Variants in KDM4C observed in about 807,000 individuals in gnomAD.
KDM4C encodes lysine-specific demethylase 4C.
Under a neutral mutation model 129.3 loss-of-function variants are expected in KDM4C, and 81 were observed. That is an observed-to-expected ratio of 0.63 (90% CI 0.52 to 0.75). The LOEUF is 0.75. Ranked by LOEUF, KDM4C falls within the 30% of genes least tolerant of loss-of-function variation. KDM4C has a pLI of 0.00. For missense variants in KDM4C, 1,457 were observed against 1,304.0 expected (o/e 1.12, Z -1.81); for synonymous variants, 573 against 456.1 (o/e 1.26, Z -3.26).
chr9:7,099,407 A>G (rs1836822840), intron 17 of KDM4C, among the ~76,000 whole-genome samples: 1 of 152,220 alleles, frequency 6.6e-6, no homozygotes, highest in African/African-American at 2.4e-5. Context: ...TCAATCCATT[A>G]GTAGCCTTAA....
chr9:6,818,265 C>G (rs1490696007), intron 4 of KDM4C, among the ~76,000 whole-genome samples: 2 of 152,194 alleles, frequency 1.3e-5, no homozygotes, highest in African/African-American at 2.4e-5. Context: ...CAAGCCACAT[C>G]TAGACTACCA....
chr9:6,762,591 A>C (rs547645617), intron 1 of KDM4C, among the ~76,000 whole-genome samples: 10 of 148,968 alleles, frequency 6.7e-5, no homozygotes, highest in African/African-American at 2.0e-4. Context: ...ATTTTATAAT[A>C]TAAATACAAT....
chr9:6,761,953 C>T (rs996038532), intron 1 of KDM4C, among the ~76,000 whole-genome samples: 4 of 151,816 alleles, frequency 2.6e-5, no homozygotes, highest in African/African-American at 7.3e-5. Flanking sequence ...ATTACAGGCA[C>T]GCCCAACTAA....
chr9:7,043,267 G>A (rs1828889125), intron 15 of KDM4C, among the ~76,000 whole-genome samples: 1 of 151,930 alleles, frequency 6.6e-6, no homozygotes, highest in South Asian at 2.1e-4. Flanking sequence ...TCAGTGTCTT[G>A]ATGGATACTC....
chr9:6,884,375 G>T (rs1427156776), intron 6 of KDM4C, among the ~76,000 whole-genome samples: 1 of 152,136 alleles, frequency 6.6e-6, no homozygotes, highest in Non-Finnish European at 1.5e-5. Flanking sequence ...AGCTTGCCAA[G>T]AAATTTCATG....
chr9:6,991,337 G>T (rs1388487977), intron 12 of KDM4C, among the ~76,000 whole-genome samples: 1 of 152,042 alleles, frequency 6.6e-6, no homozygotes, highest in Non-Finnish European at 1.5e-5. Context: ...TCCTGCCTCA[G>T]CCCCGCAAAG....
Position 6,766,057 on chromosome 9 carries a change from G to T in KDM4C, c.-18+7854G>T, listed in dbSNP as rs574354544. ...GCCCACCTCAGCCTCCCAAAGTGCT[G>T]GGATTACAGGCAATAGCCACTGTGC... On this transcript the variant is annotated intron_variant, in intron 1 of 21. Coordinates refer to ENST00000381309, the MANE Select transcript of KDM4C (RefSeq NM_015061.6). 6.6e-5 allele frequency among the ~76,000 whole-genome samples: 10 copies of T among 152,244 alleles called. No individual in the cohort carries two copies. The East Asian group carries it at 1.9e-3, about 29-fold the overall frequency.
intron 17 of KDM4C, among the ~76,000 whole-genome samples, chr9:7,075,329 T>C (rs1833774661): frequency 1.3e-5 from 2 of 152,180 alleles, no homozygotes; most frequent in South Asian, 4.1e-4. Context: ...CACATGTGTT[T>C]TGTCTCTGCC....
chr9:6,826,655 C>G (rs1414904663), intron 4 of KDM4C, among the ~76,000 whole-genome samples: 1 of 152,068 alleles, frequency 6.6e-6, no homozygotes, highest in Non-Finnish European at 1.5e-5. Context: ...CACCTGAGGT[C>G]AGCAGTTCAA....
chr9:6,807,050 C>T (rs1049114291), intron 3 of KDM4C, among the ~76,000 whole-genome samples: 2 of 152,114 alleles, frequency 1.3e-5, no homozygotes, highest in African/African-American at 4.8e-5. Context: ...AGGCACGCGC[C>T]GCCACGCCTG....
Position 6,849,690 on chromosome 9 carries a change from C to T in KDM4C, c.619C>T (p.Pro207Ser), listed in dbSNP as rs1156825404. ...YSINYLHFGE[P>S]KSWYAIPPEH... ...CATTAATTATCTCCACTTTGGAGAGCCCAAGTCTTGGCAAGTTACTTGTTT... is the reference window on the plus strand; with the variant it reads ...CATTAATTATCTCCACTTTGGAGAGTCCAAGTCTTGGCAAGTTACTTGTTT... The change falls in exon 5 of 22, where the codon CCC becomes TCC. Residue 207 changes from proline (P) to serine (S), a missense_variant. Transcript: ENST00000381309. The T allele has an allele frequency of 1.9e-6, 3 of 1,559,502 alleles. No individual in the cohort carries two copies. The highest frequency in any genetic ancestry group is 1.2e-5 in the South Asian group (1 of 82,882).
At chr9:6,859,644 C>T (rs575153889) in intron 5 of KDM4C, among the ~76,000 whole-genome samples, 6 of 150,482 alleles carry the variant, frequency 4.0e-5, no homozygotes, top group African/African-American at 1.2e-4. Flanking sequence ...GGGCAGATCG[C>T]GAGATCCGGA....
intron 5 of KDM4C, among the ~76,000 whole-genome samples, chr9:6,870,832 C>T (rs1194305890): frequency 6.6e-6 from 1 of 151,870 alleles, no homozygotes; most frequent in African/African-American, 2.4e-5. Context: ...CTTAGTTAGG[C>T]GCAGGGAGTA....
At chr9:7,076,366 G>C in intron 17 of KDM4C, 1 of 1,095,712 alleles carries the variant, frequency 9.1e-7, no homozygotes, top group Non-Finnish European at 1.4e-6. Flanking sequence ...TAAAGCCCAT[G>C]CTATTTTCAC....
At position 6,758,211 on chromosome 9, in the gene KDM4C, CT is replaced by C; in HGVS notation, c.-18+12del. On this transcript the variant is annotated intron_variant, in intron 1 of 21. Coordinates refer to ENST00000381309, the MANE Select transcript of KDM4C (RefSeq NM_015061.6). The surrounding 1 kb of genome is among the most constrained non-coding windows in gnomAD (Gnocchi z 4.6). The stretch of plus-strand genomic sequence containing the variant: ...CCCCAACCCGCGCGCCAGGTAACCG[CT>C]TTTCCGGAGTCTGGGGGCCAGGGCG... The C allele has an allele frequency of 5.1e-6, 5 of 985,826 alleles. No individual in the cohort carries two copies. The highest frequency in any genetic ancestry group is 6.0e-6 in the Non-Finnish European group (5 of 830,254). The allele number at this position is 985,826 out of a possible 1,614,324, so 61.1% of individuals were successfully genotyped here.
chr9:6,746,354 T>C (rs924810253), intron 1 of KDM4C, among the ~76,000 whole-genome samples: 20 of 144,654 alleles, frequency 1.4e-4, no homozygotes, highest in South Asian at 4.5e-4. Flanking sequence ...CTGCAAGCTC[T>C]GCCTCCCGGG....
chr9:7,112,012 G>A (rs959349184), intron 18 of KDM4C, among the ~76,000 whole-genome samples: 1 of 151,980 alleles, frequency 6.6e-6, no homozygotes, highest in African/African-American at 2.4e-5. Context: ...TTCACCCCTT[G>A]GTGGGGTGCA....
intron 8 of KDM4C, among the ~76,000 whole-genome samples, chr9:6,968,357 C>T (rs570545400): frequency 3.3e-5 from 5 of 151,920 alleles, no homozygotes; most frequent in African/African-American, 1.2e-4. Context: ...CAATTACTTG[C>T]CATTGAGGAA....
chr9:6,855,233 G>T (rs1487240532), intron 5 of KDM4C, among the ~76,000 whole-genome samples: 4 of 152,066 alleles, frequency 2.6e-5, no homozygotes, highest in African/African-American at 9.7e-5. Context: ...GGCTGAGGCG[G>T]GCAGATCACG....
Sources: gnomAD v4.1 joint callset for allele counts (sites outside exome capture counted in the v4.1 genomes callset) on GRCh38, gnomAD v4.1.1 for gene constraint, Gnocchi (gnomAD v3.1) non-coding constraint, MANE v1.5 for transcripts, NCBI Gene and HGNC (gene_info 2026-07-23, HGNC 2026-07-21) for gene names.